Variants in TSPAN18 observed in about 807,000 individuals in gnomAD.
TSPAN18 encodes tetraspanin 18, also known as tetraspanin-18.
Under a neutral mutation model 27.3 loss-of-function variants are expected in TSPAN18, and 14 were observed. That is an observed-to-expected ratio of 0.51 (90% CI 0.34 to 0.80). The LOEUF is 0.80. Among genes scored for constraint, TSPAN18 ranks in the 30% least tolerant of loss-of-function variants. TSPAN18 has a pLI of 0.01. For missense variants in TSPAN18, 268 were observed against 323.9 expected (o/e 0.83, Z 1.32); for synonymous variants, 143 against 136.5 (o/e 1.05, Z -0.33).
In TSPAN18 at chr11:44,931,085, T is replaced by G; in HGVS notation, c.*1907T>G. 2.5e-6 allele frequency: 1 copy of G among 396,052 alleles called. No homozygotes were observed. The highest frequency in any genetic ancestry group is 2.8e-5 in the Admixed American group (1 of 35,718). 24.5% of individuals were successfully genotyped at this position (396,052 alleles called of 1,614,324 possible). A position where few individuals can be genotyped will look rare whatever the true frequency, so the allele number is the denominator to read the frequency against. On this transcript the variant is annotated 3_prime_UTR_variant, in exon 10 of 10. Coordinates refer to ENST00000520358, the MANE Select transcript of TSPAN18 (RefSeq NM_130783.5). ...AATCTCCTCCTGCTGTGCCCGCCAG[T>G]CCTTGCCCTCCCACCAGGTCTCTGA...
intron 2 of TSPAN18, among the ~76,000 whole-genome samples, chr11:44,796,132 C>T (rs1335820591): frequency 1.3e-5 from 2 of 152,314 alleles, no homozygotes; most frequent in African/African-American, 4.8e-5. Flanking sequence ...TAAAGAACAA[C>T]AAGCTGAGAT....
intron 3 of TSPAN18, among the ~76,000 whole-genome samples, chr11:44,876,261 G>C (rs1858329694): frequency 6.6e-6 from 1 of 152,210 alleles, no homozygotes; most frequent in African/African-American, 2.4e-5. Context: ...TGCTGTCTCT[G>C]AGAGGACAGG....
intron 2 of TSPAN18, among the ~76,000 whole-genome samples, chr11:44,801,158 C>T (rs1346488782): frequency 6.6e-6 from 1 of 152,106 alleles, no homozygotes; most frequent in Non-Finnish European, 1.5e-5. Flanking sequence ...TCAGGATTGT[C>T]GGATTGTTGG....
At chr11:44,727,487 C>G (rs1000281969) in intron 1 of TSPAN18, among the ~76,000 whole-genome samples, 200 bp downstream of exon 1, 3 of 152,144 alleles carry the variant, frequency 2.0e-5, no homozygotes, top group African/African-American at 7.2e-5. Context: ...GGGACGGTCT[C>G]CACCCCGTGC....
intron 3 of TSPAN18, among the ~76,000 whole-genome samples, chr11:44,891,411 G>A (rs1858846071): frequency 6.6e-6 from 1 of 152,158 alleles, no homozygotes; most frequent in Non-Finnish European, 1.5e-5. Flanking sequence ...TCAATTACAG[G>A]TCAGCGGAGA....
At chr11:44,739,645 A>G (rs561801369) in intron 1 of TSPAN18, among the ~76,000 whole-genome samples, 3 of 152,358 alleles carry the variant, frequency 2.0e-5, no homozygotes, top group African/African-American at 4.8e-5. Flanking sequence ...AAAAGAAAGT[A>G]ATCATGTCTT....
In TSPAN18 at chr11:44,861,740, CCTCT is replaced by C. The variant is rs1406137608; in HGVS notation, c.-11+1276_-11+1279del. On this transcript the variant is annotated intron_variant, in intron 3 of 9. Transcript: ENST00000520358. ...CTGTGATTTATGGTACCAGGGTTGGCCTCTCTCTAAGTGCCTCATTTTTAGTGAA... is the reference window on the plus strand; with the variant it reads ...CTGTGATTTATGGTACCAGGGTTGGCCTCTAAGTGCCTCATTTTTAGTGAA... Among the ~76,000 whole-genome samples, 6 of 148,762 alleles carry C rather than the reference CCTCT, an allele frequency of 4.0e-5. No individual in the cohort carries two copies. In the South Asian group the frequency reaches 6.4e-4, roughly 16 times the overall value.
chr11:44,835,381 A>G (rs1039058474), intron 2 of TSPAN18, among the ~76,000 whole-genome samples: 5 of 152,210 alleles, frequency 3.3e-5, no homozygotes, highest in African/African-American at 1.2e-4. Flanking sequence ...CCCTTCTCAG[A>G]CAGGCTTAGA....
chr11:44,822,476 G>A (rs1043786856), intron 2 of TSPAN18, among the ~76,000 whole-genome samples: 5 of 151,936 alleles, frequency 3.3e-5, no homozygotes, highest in Non-Finnish European at 7.4e-5. Context: ...GAAGAAGGAA[G>A]GAGTAAAGAG....
At chr11:44,887,230 C>T (rs1447486621) in intron 3 of TSPAN18, among the ~76,000 whole-genome samples, 1 of 152,226 alleles carries the variant, frequency 6.6e-6, no homozygotes, top group African/African-American at 2.4e-5. Context: ...TCCTACTTCC[C>T]CTCTCAGGGC....
intron 1 of TSPAN18, among the ~76,000 whole-genome samples, chr11:44,759,413 A>G (rs1360178101): frequency 6.6e-6 from 1 of 152,214 alleles, no homozygotes; most frequent in Non-Finnish European, 1.5e-5. Flanking sequence ...TAGGCTCTTC[A>G]GAGTCCTAAG....
intron 1 of TSPAN18, among the ~76,000 whole-genome samples, chr11:44,763,420 G>A (rs1395892216): frequency 6.6e-6 from 1 of 152,134 alleles, no homozygotes; most frequent in Non-Finnish European, 1.5e-5. Flanking sequence ...ACTGACAGAA[G>A]GGAAGGGTTG....
Position 44,909,570 on chromosome 11 carries a change from G to C in TSPAN18, c.64-135G>C. 4 of 848,038 alleles carry C rather than the reference G, an allele frequency of 4.7e-6. No individual in the cohort carries two copies. The South Asian group carries it at 7.0e-5, about 15-fold the overall frequency. 52.5% of individuals were successfully genotyped at this position (848,038 alleles called of 1,614,324 possible). ...CTGGGACTCACTGGCTCTCGCCGCAGGTGAATTCCTGCCTGGCTCACCTAG... is the reference window on the plus strand; with the variant it reads ...CTGGGACTCACTGGCTCTCGCCGCACGTGAATTCCTGCCTGGCTCACCTAG... On this transcript the variant is annotated intron_variant, in intron 4 of 9. Coordinates refer to ENST00000520358, the MANE Select transcript of TSPAN18 (RefSeq NM_130783.5).
intron 2 of TSPAN18, among the ~76,000 whole-genome samples, chr11:44,857,034 A>G (rs1337447759): frequency 1.3e-5 from 2 of 152,144 alleles, no homozygotes; most frequent in Non-Finnish European, 2.9e-5. Context: ...CATCGTGGAT[A>G]ATGGTGAAGA....
chr11:44,849,407 G>A (rs773125810), intron 2 of TSPAN18, among the ~76,000 whole-genome samples: 5 of 152,188 alleles, frequency 3.3e-5, no homozygotes, highest in African/African-American at 9.7e-5. Flanking sequence ...CAAGGGTGAG[G>A]TTTAAGAGCA....
chr11:44,749,886 T>A (rs1321862133), intron 1 of TSPAN18, among the ~76,000 whole-genome samples: 3 of 152,224 alleles, frequency 2.0e-5, no homozygotes, highest in African/African-American at 7.2e-5. Flanking sequence ...TCCACCCGCC[T>A]TGGCCTCCCA....
chr11:44,888,715 G>A (rs1328562594), intron 3 of TSPAN18, among the ~76,000 whole-genome samples: 2 of 152,178 alleles, frequency 1.3e-5, no homozygotes, highest in African/African-American at 4.8e-5. Flanking sequence ...CTCCCCTCTG[G>A]ACAGTCTCCT....
At chr11:44,733,272 G>A (rs1189568462) in intron 1 of TSPAN18, among the ~76,000 whole-genome samples, 1 of 152,252 alleles carries the variant, frequency 6.6e-6, no homozygotes, top group East Asian at 1.9e-4. Flanking sequence ...GAGCTGGTAT[G>A]TTGCTGGTTG....
rs1419659025 is a variant in TSPAN18 at position 44,879,517 on chromosome 11, A to T, written c.-11+19048A>T. Among the ~76,000 whole-genome samples, 6 of 152,256 alleles carry T rather than the reference A, an allele frequency of 3.9e-5. No homozygotes were observed. The East Asian group carries it at 1.2e-3, about 29-fold the overall frequency. The stretch of plus-strand genomic sequence containing the variant: ...TTCGAGCAGAGACCTGAATAAGTCG[A>T]ATAAATGAGCCATGTGGAATATCTG... On this transcript the variant is annotated intron_variant, in intron 3 of 9. Coordinates refer to ENST00000520358, the MANE Select transcript of TSPAN18 (RefSeq NM_130783.5).
Sources: gnomAD v4.1 joint callset for allele counts (sites outside exome capture counted in the v4.1 genomes callset) on GRCh38, gnomAD v4.1.1 for gene constraint, MANE v1.5 for transcripts, NCBI Gene and HGNC (gene_info 2026-07-23, HGNC 2026-07-21) for gene names.